Variants in TMEM242 observed in about 807,000 individuals in gnomAD.
TMEM242 encodes UPF0463 transmembrane protein C6orf35.
A neutral mutation model predicts 18.2 loss-of-function variants in TMEM242; 10 were observed. The ratio of observed to expected loss-of-function variants is 0.55; its 90% confidence interval spans 0.34 to 0.93. The LOEUF is 0.93. Among genes scored for constraint, TMEM242 ranks in the 40% least tolerant of loss-of-function variants. The probability of loss-of-function intolerance (pLI) is 0.02; values close to 1 mark genes in which losing one functional copy is unlikely to be tolerated. For missense variants in TMEM242, 186 were observed against 175.5 expected, an observed-to-expected ratio of 1.06 and a Z score of -0.34; for synonymous variants, 57 against 69.9, an observed-to-expected ratio of 0.81 and a Z score of 0.92.
chr6:157,310,615 C>T (rs1554248349), intron 3 of TMEM242, among the ~76,000 whole-genome samples: 1 of 152,076 alleles, frequency 6.6e-6, no homozygotes, highest in African/African-American at 2.4e-5. Flanking sequence ...CCAGTGTGCC[C>T]TCACCTAGCC....
chr6:157,307,627 G>C (rs374044479), intron 3 of TMEM242, among the ~76,000 whole-genome samples: 17 of 152,122 alleles, frequency 1.1e-4, no homozygotes, highest in African/African-American at 2.4e-4. Context: ...ACCTATTAGA[G>C]CTGCAGTGGA....
At chr6:157,301,323 CTTT>C (rs200310721) in intron 3 of TMEM242, among the ~76,000 whole-genome samples, 1 of 147,912 alleles carries the variant, frequency 6.8e-6, no homozygotes. Flanking sequence ...AAAGCTATTA[CTTT>C]TTTTTTTTTG....
intron 3 of TMEM242, among the ~76,000 whole-genome samples, chr6:157,313,607 T>A (rs1554249867): frequency 7.0e-6 from 1 of 142,918 alleles, no homozygotes; most frequent in Non-Finnish European, 1.5e-5. Flanking sequence ...AACCCCATCA[T>A]AGTGCCCCAG....
chr6:157,297,250 C>G (rs895928781), intron 3 of TMEM242, among the ~76,000 whole-genome samples: 1 of 152,212 alleles, frequency 6.6e-6, no homozygotes, highest in Non-Finnish European at 1.5e-5. Flanking sequence ...AGCCTATGTG[C>G]TTACTGTGTA....
chr6:157,315,864 T>C (rs1435838270), intron 3 of TMEM242, among the ~76,000 whole-genome samples: 1 of 152,220 alleles, frequency 6.6e-6, no homozygotes, highest in Non-Finnish European at 1.5e-5. Flanking sequence ...TTAAATGATA[T>C]ACCACTGTGT....
At chr6:157,308,754 G>T (rs587692666) in intron 3 of TMEM242, among the ~76,000 whole-genome samples, 2 of 151,992 alleles carry the variant, frequency 1.3e-5, no homozygotes, top group African/African-American at 4.8e-5. Flanking sequence ...AAGAGAGTTG[G>T]GGGTGGGGGT....
intron 3 of TMEM242, among the ~76,000 whole-genome samples, chr6:157,296,370 C>A (rs1777749486): frequency 6.6e-6 from 1 of 152,190 alleles, no homozygotes; most frequent in South Asian, 2.1e-4. Flanking sequence ...CCCTGCACAC[C>A]TCCAGGGGGT....
chr6:157,299,810 T>C, intron 3 of TMEM242: 1 of 1,608,426 alleles, frequency 6.2e-7, no homozygotes, highest in South Asian at 1.1e-5. Flanking sequence ...AGGGCTGCCA[T>C]GTTGAAGATC....
chr6:157,321,676 T>C (rs1554250754), intron 2 of TMEM242, among the ~76,000 whole-genome samples: 1 of 152,186 alleles, frequency 6.6e-6, no homozygotes, highest in African/African-American at 2.4e-5. Flanking sequence ...AATCTCAGAA[T>C]AACAAAATAG....
At chr6:157,304,202 G>A (rs587773404) in intron 3 of TMEM242, among the ~76,000 whole-genome samples, 52 of 152,118 alleles carry the variant, frequency 3.4e-4, no homozygotes, top group East Asian at 3.1e-3. Context: ...GCAGTGACTC[G>A]CACCTGTGAT....
At chr6:157,302,481 C>A (rs1358641265) in intron 3 of TMEM242, among the ~76,000 whole-genome samples, 2 of 152,184 alleles carry the variant, frequency 1.3e-5, no homozygotes, top group African/African-American at 4.8e-5. Flanking sequence ...TTCAGAAATA[C>A]AATCTCTCTA....
chr6:157,311,526 A>ACC (rs1554248829), intron 3 of TMEM242, among the ~76,000 whole-genome samples: 1 of 87,534 alleles, frequency 1.1e-5, no homozygotes, highest in Non-Finnish European at 2.4e-5. Flanking sequence ...GTGTGCACTC[A>ACC]ACCGGCCTCA....
intron 2 of TMEM242, 122 bp from the exon 3 acceptor site, chr6:157,319,041 A>G: frequency 9.6e-7 from 1 of 1,044,548 alleles, no homozygotes; most frequent in Non-Finnish European, 1.3e-6. Flanking sequence ...AATCAACCCA[A>G]GGTCTAATTC....
At chr6:157,306,883 A>T (rs1250755361) in intron 3 of TMEM242, among the ~76,000 whole-genome samples, 1 of 152,230 alleles carries the variant, frequency 6.6e-6, no homozygotes, top group Non-Finnish European at 1.5e-5. Context: ...ATGATAAGTT[A>T]TGTTCAGCAC....
chr6:157,320,267 C>T (rs1731005923), intron 2 of TMEM242, among the ~76,000 whole-genome samples: 2 of 151,986 alleles, frequency 1.3e-5, no homozygotes, highest in African/African-American at 2.4e-5. Flanking sequence ...TACACTTGGG[C>T]CCTAAAGACT....
At chr6:157,310,237 G>C (rs868960950) in intron 3 of TMEM242, among the ~76,000 whole-genome samples, 52 of 152,296 alleles carry the variant, frequency 3.4e-4, no homozygotes, top group African/African-American at 1.2e-3. Flanking sequence ...CATGTAAACA[G>C]CAAGGCTTCT....
At chr6:157,308,914 T>G (rs183491508) in intron 3 of TMEM242, among the ~76,000 whole-genome samples, 1 of 152,352 alleles carries the variant, frequency 6.6e-6, no homozygotes, top group African/African-American at 2.4e-5. Flanking sequence ...AAAAATGCAC[T>G]TTGACTCAAC....
chr6:157,297,526 C>T (rs149004239), intron 3 of TMEM242, among the ~76,000 whole-genome samples: 289 of 152,312 alleles, frequency 1.9e-3, no homozygotes, highest in Non-Finnish European at 3.2e-3. Flanking sequence ...GAAACCACCA[C>T]TCTTCTCTTC....
intron 3 of TMEM242, among the ~76,000 whole-genome samples, chr6:157,311,045 C>T (rs868933204): frequency 4.2e-5 from 6 of 143,852 alleles, no homozygotes; most frequent in Admixed American, 4.1e-4. Context: ...TCCCAGTGTG[C>T]GCTCACCTAA....
Sources: allele counts gnomAD v4.1 joint callset (sites outside exome capture counted in the v4.1 genomes callset), GRCh38; gene constraint gnomAD v4.1.1; transcripts MANE v1.5; gene names NCBI Gene and HGNC (gene_info 2026-07-23, HGNC 2026-07-21).